Variants in SPAG17 observed in about 807,000 individuals in gnomAD.
SPAG17 encodes sperm-associated antigen 17.
A neutral mutation model predicts 273.6 loss-of-function variants in SPAG17; 169 were observed. That is an observed-to-expected ratio of 0.62 (90% CI 0.55 to 0.70). The LOEUF (loss-of-function observed/expected upper bound fraction) is 0.70, where lower values mean the gene tolerates loss of function less well. Among genes scored for constraint, SPAG17 ranks in the 30% least tolerant of loss-of-function variants. The pLI, the probability that SPAG17 is intolerant of heterozygous loss-of-function variation, is 0.00. For missense variants in SPAG17, 2,557 were observed against 2,627.8 expected, an observed-to-expected ratio of 0.97 and a Z score of 0.59; for synonymous variants, 825 against 873.2, an observed-to-expected ratio of 0.94 and a Z score of 0.97.
intron 4 of SPAG17, among the ~76,000 whole-genome samples, chr1:118,113,506 G>A (rs544694354): frequency 6.6e-6 from 1 of 151,976 alleles, no homozygotes; most frequent in Non-Finnish European, 1.5e-5. Context: ...TTTCCCGATT[G>A]TATTCCATTC....
chr1:117,981,412 C>G lies in SPAG17; in HGVS notation c.5873-11G>C, dbSNP rs1357712984. 1.3e-6 allele frequency: 2 copies of G among 1,588,136 alleles called. No individual in the cohort carries two copies. Among genetic ancestry groups the G allele is most frequent in the South Asian group, 1.2e-5 (1 of 85,278 alleles). ...TATGTGGCTTGAAATCTAGAAAACC[C>G]AAAATGAACCTTATAAAGTGATATT... On this transcript the variant is annotated splice_polypyrimidine_tract_variant and intron_variant, in intron 42 of 48. Coordinates refer to ENST00000336338, the MANE Select transcript of SPAG17 (RefSeq NM_206996.4).
At chr1:118,142,391 CGTTG>C (rs1658730275) in intron 3 of SPAG17, among the ~76,000 whole-genome samples, 1 of 152,018 alleles carries the variant, frequency 6.6e-6, no homozygotes, top group African/African-American at 2.4e-5. Flanking sequence ...AAGTTGTGAA[CGTTG>C]GTTGCACAAC....
chr1:118,015,741 A>G (rs549126409), intron 29 of SPAG17, among the ~76,000 whole-genome samples: 1 of 152,312 alleles, frequency 6.6e-6, no homozygotes, highest in Non-Finnish European at 1.5e-5. Flanking sequence ...TGCCCACAAC[A>G]CACAAAAATA....
chr1:118,005,043 C>T (rs1658732441), intron 32 of SPAG17, among the ~76,000 whole-genome samples: 1 of 152,214 alleles, frequency 6.6e-6, no homozygotes. Context: ...TCTGTGACTA[C>T]TCAAAGAAAC....
chr1:118,032,996 C>A (rs1557934336), intron 24 of SPAG17, among the ~76,000 whole-genome samples: 1 of 152,172 alleles, frequency 6.6e-6, no homozygotes, highest in Non-Finnish European at 1.5e-5. Flanking sequence ...TCGGGCCCCA[C>A]CTTGACCTAC....
chr1:118,156,367 T>C (rs921251017), intron 1 of SPAG17, among the ~76,000 whole-genome samples: 9 of 152,194 alleles, frequency 5.9e-5, no homozygotes, highest in Non-Finnish European at 8.8e-5. Context: ...GGGAGTACAT[T>C]TGGATCCTGA....
rs1657208018 is a variant in SPAG17, at chr1:117,992,488, A to T, written c.5339T>A (p.Leu1780Gln). The T allele has an allele frequency of 6.2e-7, 1 of 1,610,728 alleles. No individual in the cohort carries two copies. The highest frequency in any genetic ancestry group is 2.2e-5 in the East Asian group (1 of 44,774). The change falls in exon 36 of 49, where the codon CTG becomes CAG. Residue 1780 changes from leucine to glutamine, a missense_variant. Coordinates refer to ENST00000336338, the MANE Select transcript of SPAG17 (RefSeq NM_206996.4). ...TACCTTAAGGGAAACCTGCAGCCTCAGTTTCACCTCATTCTTTATGACCTC... is the reference window on the plus strand; with the variant it reads ...TACCTTAAGGGAAACCTGCAGCCTCTGTTTCACCTCATTCTTTATGACCTC... ...QHEVIKNEVK[L>Q]RLQVSLKDYI...
At chr1:117,959,996 TAAG>T (rs911451480) in intron 48 of SPAG17, 1 of 152,202 alleles carries the variant, frequency 6.6e-6, no homozygotes, top group Non-Finnish European at 1.5e-5. Context: ...TGTCTGTATA[TAAG>T]AAGATTCTAA....
chr1:117,959,255 G>T (rs1652677893), intron 48 of SPAG17: 1 of 1,593,092 alleles, frequency 6.3e-7, no homozygotes, highest in Non-Finnish European at 8.5e-7. Context: ...ATTGAAGTGG[G>T]AGAAAATTTT....
At position 117,994,454 on chromosome 1, in the gene SPAG17, G is replaced by C; in HGVS notation, c.5130C>G (p.Val1710=). ...PWQVKKEDTI[V]PPNLRSRSWE... ...ATGACCTTGACCGGAGATTAGGAGG[G>C]ACAATTGTATCTTCCTTTTTTACTT... Residue 1710 remains valine (V), a synonymous_variant, in exon 35 of 49, where the codon GTC becomes GTG. Transcript: ENST00000336338. The C allele has an allele frequency of 6.2e-7, 1 of 1,612,928 alleles. No homozygotes were observed. The highest frequency in any genetic ancestry group is 8.5e-7 in the Non-Finnish European group (1 of 1,179,232).
intron 40 of SPAG17, among the ~76,000 whole-genome samples, chr1:117,985,172 C>T (rs1045556319): frequency 3.3e-5 from 5 of 151,950 alleles, no homozygotes; most frequent in Admixed American, 6.6e-5. Context: ...GCAGTAGTAA[C>T]AAAAAAACCC....
intron 25 of SPAG17, among the ~76,000 whole-genome samples, chr1:118,030,261 G>A (rs1365774151): frequency 6.6e-6 from 1 of 152,058 alleles, no homozygotes; most frequent in Non-Finnish European, 1.5e-5. Flanking sequence ...TACAAGGCCA[G>A]AGTCTGAAAC....
intron 43 of SPAG17, among the ~76,000 whole-genome samples, chr1:117,979,453 C>T (rs1655517495): frequency 6.6e-6 from 1 of 152,132 alleles, no homozygotes; most frequent in African/African-American, 2.4e-5. Context: ...TCACCATTCC[C>T]TCTTCGCCCA....
At chr1:118,115,269 C>A (rs779712839) in intron 4 of SPAG17, 41 bp downstream of exon 4, 1 of 1,606,624 alleles carries the variant, frequency 6.2e-7, no homozygotes. Flanking sequence ...ATTTCATTCA[C>A]CACTTGCCCT....
chr1:117,991,472 T>G lies in SPAG17; in HGVS notation c.5418A>C (p.Lys1806Asn). The change falls in exon 37 of 49, where the codon AAA becomes AAC. Residue 1806 changes from lysine to asparagine, a missense_variant. Transcript: ENST00000336338. ...KEDELQEMMV[K>N]DSRTEEERGN... is the part of the protein sequence containing the mutation. The stretch of plus-strand genomic sequence containing the variant: ...CTCTCTCCTCCTCAGTTCTGGAATC[T>G]TTAACCATCATTTCCTGCAGCTCAT... 6.2e-7 allele frequency: 1 copy of G among 1,612,514 alleles called. No individual in the cohort carries two copies. Among genetic ancestry groups the G allele is most frequent in the Non-Finnish European group, 8.5e-7 (1 of 1,179,076 alleles).
At chr1:117,985,791 C>A (rs1455006787) in intron 40 of SPAG17, among the ~76,000 whole-genome samples, 4 of 152,048 alleles carry the variant, frequency 2.6e-5, no homozygotes, top group African/African-American at 7.2e-5. Flanking sequence ...CTATTTTTAT[C>A]CTCACTTTAT....
chr1:118,119,488 C>T (rs1473271132), intron 3 of SPAG17, among the ~76,000 whole-genome samples: 4 of 152,178 alleles, frequency 2.6e-5, no homozygotes, highest in East Asian at 1.9e-4. Context: ...CACCAGTTTC[C>T]GACTAAAAGA....
intron 24 of SPAG17, chr1:118,036,569 A>C: frequency 1.5e-5 from 4 of 263,782 alleles, no homozygotes; most frequent in Non-Finnish European, 2.1e-5. Flanking sequence ...ATAAAAGATT[A>C]TATATATATA....
Position 118,175,681 on chromosome 1 carries a change from G to C in SPAG17, c.87+9390C>G, listed in dbSNP as rs547149732. 2.0e-5 allele frequency among the ~76,000 whole-genome samples: 3 copies of C among 150,630 alleles called. No homozygotes were observed. In the East Asian group the frequency reaches 5.9e-4, roughly 29 times the overall value. ...TTTCCCCAATAAACAAAAGCTAAGA[G>C]AATGCACCATCACCAGACCCATCTT... On this transcript the variant is annotated intron_variant, in intron 1 of 48. Transcript: ENST00000336338.
Sources: gnomAD v4.1 joint callset for allele counts (sites outside exome capture counted in the v4.1 genomes callset) on GRCh38, gnomAD v4.1.1 for gene constraint, MANE v1.5 for transcripts, NCBI Gene and HGNC (gene_info 2026-07-23, HGNC 2026-07-21) for gene names.